Variants in MIA2 observed in about 807,000 individuals in gnomAD.
MIA2 encodes the protein melanoma inhibitory activity protein 2.
In MIA2, 127 loss-of-function variants were observed where a neutral mutation model predicts 167.8. That is an observed-to-expected ratio of 0.76 (90% CI 0.66 to 0.88). MIA2 has a LOEUF of 0.88. Among genes scored for constraint, MIA2 ranks in the 40% least tolerant of loss-of-function variants. The pLI is 0.00. For missense variants in MIA2, 1,690 were observed against 1,624.7 expected (o/e 1.04, Z -0.69); for synonymous variants, 552 against 541.9 (o/e 1.02, Z -0.26).
In MIA2 at chr14:39,319,801, T is replaced by G. The variant is rs905573595; in HGVS notation, c.3367+510T>G. On this transcript the variant is annotated intron_variant, in intron 23 of 28. Transcript: ENST00000640607. ...CCCTCAAGGGAGGACCAATTTTTTT[T>G]GTAAGATATATTTAATATTTCTGTC... 2.6e-5 allele frequency among the ~76,000 whole-genome samples: 4 copies of G among 152,150 alleles called. No individual in the cohort carries two copies. The South Asian group carries it at 8.3e-4, about 31-fold the overall frequency.
chr14:39,240,013 G>A (rs781509196), intron 2 of MIA2, among the ~76,000 whole-genome samples: 1 of 152,170 alleles, frequency 6.6e-6, no homozygotes, highest in Admixed American at 6.5e-5. Flanking sequence ...GCTTGAACTG[G>A]GTGAAGAGGA....
chr14:39,382,728 T>C (rs541875318), intron 23 of MIA2, among the ~76,000 whole-genome samples: 9 of 152,236 alleles, frequency 5.9e-5, no homozygotes, highest in Non-Finnish European at 1.2e-4. Context: ...CAGTTGCTTG[T>C]ATGACTCTGC....
At chr14:39,263,455 A>C (rs1176013480) in intron 6 of MIA2, among the ~76,000 whole-genome samples, 1 of 149,534 alleles carries the variant, frequency 6.7e-6, no homozygotes, top group Non-Finnish European at 1.5e-5. Flanking sequence ...GCCAGTCTGG[A>C]GCTCCTGAGC....
rs1566818997 is a variant in MIA2, at chr14:39,300,981, T to TAC, written c.2619+997_2619+998dup. Reference sequence around the variant, plus strand: ...ACATATACACATATATACACATATATACATATATACACATATATACATATA... The same window carrying TAC: ...ACATATACACATATATACACATATATACACATATATACACATATATACATATA... On this transcript the variant is annotated intron_variant, in intron 14 of 28. Coordinates refer to ENST00000640607, the MANE Select transcript of MIA2 (RefSeq NM_001329214.4). 1.4e-3 allele frequency among the ~76,000 whole-genome samples: 76 copies of TAC among 55,540 alleles called. 1 individual carries two copies. Among genetic ancestry groups the TAC allele is most frequent in the African/African-American group, 4.7e-3 (65 of 13,698 alleles). 36.4% of individuals were successfully genotyped at this position (55,540 alleles called of 152,430 possible). A position where few individuals can be genotyped will look rare whatever the true frequency, so the allele number is the denominator to read the frequency against.
At chr14:39,262,271 T>G (rs1433564721) in intron 6 of MIA2, among the ~76,000 whole-genome samples, 2 of 152,292 alleles carry the variant, frequency 1.3e-5, no homozygotes, top group Admixed American at 1.3e-4. Context: ...ATTAAATAGG[T>G]TATCCTTTCC....
At chr14:39,315,757 G>A (rs747152647) in intron 21 of MIA2, 39 bp downstream of exon 21, 5 of 1,375,040 alleles carry the variant, frequency 3.6e-6, no homozygotes, top group Admixed American at 2.1e-5. Flanking sequence ...TTGTCAAATT[G>A]TATGTTTTTT....
chr14:39,292,477 T>G (rs551929833), intron 10 of MIA2, among the ~76,000 whole-genome samples: 3 of 152,214 alleles, frequency 2.0e-5, no homozygotes, highest in Non-Finnish European at 2.9e-5. Context: ...TAAAAAAATA[T>G]GATAGCTGAA....
At position 39,350,095 on chromosome 14, in the gene MIA2, C is replaced by T; in HGVS notation, c.4073-3C>T. 1.6e-6 allele frequency: 2 copies of T among 1,226,306 alleles called. No individual in the cohort carries two copies. Among genetic ancestry groups the T allele is most frequent in the Non-Finnish European group, 2.3e-6 (2 of 873,188 alleles). 76.0% of individuals were successfully genotyped at this position (1,226,306 alleles called of 1,614,324 possible). A position where few individuals can be genotyped will look rare whatever the true frequency, so the allele number is the denominator to read the frequency against. ...AATGTCTTTTACCAATCTCTTTGAA[C>T]AGTGAGAAATGTCTATCCACCGAGG... On this transcript the variant is annotated splice_region_variant and splice_polypyrimidine_tract_variant and intron_variant, in intron 28 of 28. Transcript: ENST00000640607.
At chr14:39,292,601 T>C in intron 10 of MIA2, 1 of 241,218 alleles carries the variant, frequency 4.1e-6, no homozygotes, top group Non-Finnish European at 8.2e-6. Flanking sequence ...ATCACTGTAA[T>C]GTAGTATGTA....
chr14:39,238,811 A>AAAAAAACAAAAAAC, intron 2 of MIA2, among the ~76,000 whole-genome samples: 1 of 103,606 alleles, frequency 9.7e-6, no homozygotes. Flanking sequence ...AAAAAAAAAA[A>AAAAAAACAAAAAAC]CCCAAAAAAC....
At chr14:39,376,576 G>T (rs1322345799) in intron 23 of MIA2, among the ~76,000 whole-genome samples, 1 of 152,182 alleles carries the variant, frequency 6.6e-6, no homozygotes, top group East Asian at 1.9e-4. Flanking sequence ...AGCTAAAGGT[G>T]AACTAAGTAT....
chr14:39,298,605 C>A (rs1257253696), intron 13 of MIA2, among the ~76,000 whole-genome samples: 3 of 136,178 alleles, frequency 2.2e-5, no homozygotes, highest in East Asian at 4.3e-4. Context: ...GGGCTGAGTC[C>A]GAAAAGAGTC....
rs147972251 is a variant in MIA2 at position 39,240,564 on chromosome 14, G to A, written c.253G>A (p.Gly85Arg). 526 of 1,608,320 alleles carry A rather than the reference G, an allele frequency of 3.3e-4. 2 individuals carry two copies. In the African/African-American group the frequency reaches 6.6e-3, roughly 20 times the overall value. The stretch of plus-strand genomic sequence containing the variant: ...TCTTTGTTCTTCATTTTGACAGAAA[G>A]GAAAGGAGTTTGGATATTTTCCCAG... ...EREDLWAGSKGKEFGYFPRDA... is the reference protein window; with the variant it reads ...EREDLWAGSKRKEFGYFPRDA... The change falls in exon 3 of 29, where the codon GGA becomes AGA. Residue 85 changes from glycine to arginine, a missense_variant. Coordinates refer to ENST00000640607, the MANE Select transcript of MIA2 (RefSeq NM_001329214.4).
downstream of MIA2, among the ~76,000 whole-genome samples, chr14:39,355,580 G>C (rs8023178): frequency 0.44 from 66,294 of 151,436 alleles, 15,729 homozygotes; most frequent in African/African-American, 0.62. Flanking sequence ...CCGGAACTTC[G>C]AACACTGTGT....
intron 3 of MIA2, among the ~76,000 whole-genome samples, chr14:39,245,714 C>A (rs2054271472): frequency 6.7e-6 from 1 of 148,984 alleles, no homozygotes; most frequent in Non-Finnish European, 1.5e-5. Context: ...AGAGAGAGAG[C>A]AAGACAGGCG....
At chr14:39,267,347 G>A in intron 6 of MIA2, 1 of 1,571,028 alleles carries the variant, frequency 6.4e-7, no homozygotes, top group Admixed American at 1.9e-5. Context: ...GGTCCACTCC[G>A]GTTGCCGGGT....
chr14:39,290,355 G>A (rs972205361), intron 9 of MIA2, among the ~76,000 whole-genome samples: 16 of 151,824 alleles, frequency 1.1e-4, no homozygotes, highest in African/African-American at 2.9e-4. Context: ...TTTTTGTCAA[G>A]CTTTTCTTGT....
intron 22 of MIA2, among the ~76,000 whole-genome samples, chr14:39,318,639 C>A (rs1290480197): frequency 6.6e-6 from 1 of 152,074 alleles, no homozygotes; most frequent in Non-Finnish European, 1.5e-5. Context: ...TGTTTTATAT[C>A]TCATGATTAA....
chr14:39,349,094 G>A, intron 28 of MIA2, 117 bp downstream of exon 28: 2 of 1,263,412 alleles, frequency 1.6e-6, no homozygotes, highest in Non-Finnish European at 1.1e-6. Context: ...CTAGCATTCT[G>A]TGAATCTGAA....
Sources: gnomAD v4.1 joint callset for allele counts (sites outside exome capture counted in the v4.1 genomes callset) on GRCh38, gnomAD v4.1.1 for gene constraint, MANE v1.5 for transcripts, NCBI Gene and HGNC (gene_info 2026-07-23, HGNC 2026-07-21) for gene names.